Variants in LRMDA observed in about 807,000 individuals in gnomAD.
The protein encoded by LRMDA is leucine rich melanocyte differentiation associated.
Under a neutral mutation model 29.8 loss-of-function variants are expected in LRMDA, and 18 were observed. The observed-to-expected ratio is 0.60, with a 90% CI of 0.42 to 0.90. The LOEUF (loss-of-function observed/expected upper bound fraction) is 0.90, where lower values mean the gene tolerates loss of function less well. Ranked by LOEUF, LRMDA falls within the 40% of genes least tolerant of loss-of-function variation. The pLI, the probability that LRMDA is intolerant of heterozygous loss-of-function variation, is 0.00. For synonymous variants in LRMDA, 125 were observed against 109.4 expected, an observed-to-expected ratio of 1.14 and a Z score of -0.89; for missense variants, 273 against 273.9, an observed-to-expected ratio of 1.00 and a Z score of 0.02.
rs773644340 is a variant in LRMDA at position 75,616,240 on chromosome 10, T to TAGCAGC, written c.131+177749_131+177754dup. Among the ~76,000 whole-genome samples, 988 of 146,872 alleles carry TAGCAGC rather than the reference T, an allele frequency of 6.7e-3. 5 individuals are homozygous for TAGCAGC. The highest frequency in any genetic ancestry group is 0.045 in the Middle Eastern group (13 of 290). On this transcript the variant is annotated intron_variant, in intron 2 of 6. Coordinates refer to ENST00000611255, the MANE Select transcript of LRMDA (RefSeq NM_001305581.2). ...ACCATGAGAACAGTAATAGTAGCAG[T>TAGCAGC]AGCAGCAGTAGCAGCAGCAGCAGCA... is the stretch of plus-strand genomic sequence containing the variant.
chr10:76,391,299 A>T (rs1286105343), intron 6 of LRMDA, among the ~76,000 whole-genome samples: 1 of 152,176 alleles, frequency 6.6e-6, no homozygotes, highest in Non-Finnish European at 1.5e-5. Context: ...GGGATTCGTG[A>T]TGATCATTTG....
intron 2 of LRMDA, among the ~76,000 whole-genome samples, chr10:75,631,490 C>G (rs1841322982): frequency 6.6e-6 from 1 of 151,572 alleles, no homozygotes. Context: ...TTAGTGTGAT[C>G]TTATTATTGG....
At chr10:76,365,069 T>TACACACACACACACAC in intron 6 of LRMDA, among the ~76,000 whole-genome samples, 1 of 53,974 alleles carries the variant, frequency 1.9e-5, no homozygotes, top group South Asian at 3.8e-4. Context: ...ATCGTATATA[T>TACACACACACACACAC]ATACACACAC....
At chr10:76,133,711 TCGA>T (rs1376958868) in intron 5 of LRMDA, among the ~76,000 whole-genome samples, 1 of 152,244 alleles carries the variant, frequency 6.6e-6, no homozygotes, top group Non-Finnish European at 1.5e-5. Context: ...CATCAATTAC[TCGA>T]CGACATGTGG....
intron 5 of LRMDA, among the ~76,000 whole-genome samples, chr10:76,219,777 C>A (rs1851796133): frequency 6.6e-6 from 1 of 152,280 alleles, no homozygotes; most frequent in East Asian, 1.9e-4. Flanking sequence ...TAATAGACAT[C>A]TACAGAACTC....
At chr10:76,129,512 C>T (rs1849947716) in intron 5 of LRMDA, among the ~76,000 whole-genome samples, 1 of 152,190 alleles carries the variant, frequency 6.6e-6, no homozygotes, top group South Asian at 2.1e-4. Context: ...GTGTAGGGTA[C>T]TCAGCTCTGT....
At chr10:75,444,193 T>C (rs1173001543) in intron 2 of LRMDA, among the ~76,000 whole-genome samples, 1 of 152,234 alleles carries the variant, frequency 6.6e-6, no homozygotes, top group African/African-American at 2.4e-5. Flanking sequence ...GCATTAACTA[T>C]GGCAAATCCA....
At chr10:75,452,239 G>C (rs1389093644) in intron 2 of LRMDA, among the ~76,000 whole-genome samples, 1 of 152,156 alleles carries the variant, frequency 6.6e-6, no homozygotes. Context: ...TGCGTGGAAA[G>C]TTTTTGTTGG....
intron 2 of LRMDA, among the ~76,000 whole-genome samples, chr10:75,582,009 TG>T (rs1840599835): frequency 6.6e-6 from 1 of 152,314 alleles, no homozygotes; most frequent in East Asian, 1.9e-4. Flanking sequence ...ATGTGAGGGG[TG>T]GGCTCCCAAG....
intron 2 of LRMDA, among the ~76,000 whole-genome samples, chr10:75,975,236 C>T: frequency 6.6e-6 from 1 of 152,250 alleles, no homozygotes; most frequent in East Asian, 1.9e-4. Context: ...AGGCCCTGGG[C>T]TCTAAGCCAC....
At chr10:76,006,502 C>T (rs1052197961) in intron 2 of LRMDA, among the ~76,000 whole-genome samples, 1 of 152,118 alleles carries the variant, frequency 6.6e-6, no homozygotes, top group Non-Finnish European at 1.5e-5. Flanking sequence ...GAAACAGCAG[C>T]CACAAAAACC....
chr10:75,991,591 T>C (rs1317069820), intron 2 of LRMDA, among the ~76,000 whole-genome samples: 1 of 152,240 alleles, frequency 6.6e-6, no homozygotes, highest in Admixed American at 6.5e-5. Context: ...TGGTGGCTTC[T>C]AGAAGTGCTG....
chr10:76,432,062 C>A (rs917025422), intron 6 of LRMDA, among the ~76,000 whole-genome samples: 1 of 152,200 alleles, frequency 6.6e-6, no homozygotes, highest in African/African-American at 2.4e-5. Context: ...TGGACTAATA[C>A]AGATCCTAAA....
intron 2 of LRMDA, among the ~76,000 whole-genome samples, chr10:75,850,102 T>A (rs1844706443): frequency 6.6e-6 from 1 of 152,334 alleles, no homozygotes; most frequent in East Asian, 1.9e-4. Flanking sequence ...TAACTCAGCA[T>A]GGATAGTCTA....
intron 5 of LRMDA, among the ~76,000 whole-genome samples, chr10:76,114,947 ACT>A (rs1233934095): frequency 2.6e-5 from 4 of 151,890 alleles, no homozygotes; most frequent in African/African-American, 9.7e-5. Context: ...ATGTGTTCTG[ACT>A]CTCACATCCT....
At chr10:76,449,385 C>A (rs1279325010) in intron 6 of LRMDA, among the ~76,000 whole-genome samples, 1 of 151,838 alleles carries the variant, frequency 6.6e-6, no homozygotes, top group Non-Finnish European at 1.5e-5. Flanking sequence ...CTTTTCTCAG[C>A]ACAAAATATT....
At chr10:75,990,836 T>C (rs991928882) in intron 2 of LRMDA, among the ~76,000 whole-genome samples, 1 of 152,148 alleles carries the variant, frequency 6.6e-6, no homozygotes, top group Non-Finnish European at 1.5e-5. Flanking sequence ...TGGAGGACTG[T>C]GGGTGTGGAG....
chr10:75,470,266 G>A (rs997742240), intron 2 of LRMDA, among the ~76,000 whole-genome samples: 8 of 152,228 alleles, frequency 5.3e-5, no homozygotes, highest in African/African-American at 1.4e-4. Flanking sequence ...GGAGGCCGAG[G>A]CAGGCAGATC....
At chr10:75,950,726 A>G (rs138725994) in intron 2 of LRMDA, among the ~76,000 whole-genome samples, 105 of 152,288 alleles carry the variant, frequency 6.9e-4, no homozygotes, top group African/African-American at 2.4e-3. Flanking sequence ...CCAGGGCCCT[A>G]TGGTGCCCTA....
Sources: gnomAD v4.1 joint callset for allele counts (sites outside exome capture counted in the v4.1 genomes callset) on GRCh38, gnomAD v4.1.1 for gene constraint, MANE v1.5 for transcripts, NCBI Gene and HGNC (gene_info 2026-07-23, HGNC 2026-07-21) for gene names.